The following RNF144A variants were observed in gnomAD, a reference collection of about 807,000 sequenced individuals.
The protein encoded by RNF144A is ring finger protein 144A, also known as E3 ubiquitin-protein ligase RNF144A.
Under a neutral mutation model 38.7 loss-of-function variants are expected in RNF144A, and 11 were observed. That is an observed-to-expected ratio of 0.28 (90% CI 0.18 to 0.47). The LOEUF is 0.47. Ranked by LOEUF, RNF144A falls within the 20% of genes least tolerant of loss-of-function variation. The pLI is 0.99. For synonymous variants in RNF144A, 149 were observed against 143.9 expected (o/e 1.04, Z -0.25); for missense variants, 316 against 377.2 (o/e 0.84, Z 1.34).
At chr2:7,057,771 A>T (rs1445562918) in intron 6 of RNF144A, among the ~76,000 whole-genome samples, 2 of 152,310 alleles carry the variant, frequency 1.3e-5, no homozygotes, top group Admixed American at 1.3e-4. Context: ...CCATCATCAT[A>T]ATTGCTTGGA....
rs1558460115 is a variant in RNF144A, at chr2:7,042,791, A to G, written c.*3031A>G. On this transcript the variant is annotated 3_prime_UTR_variant, in exon 9 of 9. Transcript: ENST00000320892. ...ATCGGATTGCAGGAATAACTGTCCA[A>G]ATTAGTTCTTCCTCCTCAACTCATA... 1.0e-6 allele frequency: 1 copy of G among 985,410 alleles called. No homozygotes were observed. Among genetic ancestry groups the G allele is most frequent in the Non-Finnish European group, 1.2e-6 (1 of 829,888 alleles). The allele number at this position is 985,410 out of a possible 1,614,324, so 61.0% of individuals were successfully genotyped here.
chr2:6,932,878 C>T (rs774687243), intron 1 of RNF144A, among the ~76,000 whole-genome samples: 1 of 152,130 alleles, frequency 6.6e-6, no homozygotes, highest in African/African-American at 2.4e-5. Context: ...TTTGTTTTCC[C>T]CCAGAGAAGA....
chr2:6,997,659 T>C (rs1319054887), intron 3 of RNF144A, among the ~76,000 whole-genome samples: 4 of 152,208 alleles, frequency 2.6e-5, no homozygotes, highest in African/African-American at 7.2e-5. Flanking sequence ...TCGGAAAAGA[T>C]AAATGAGTGT....
chr2:7,006,763 A>T lies in RNF144A; in HGVS notation c.136-7691A>T, dbSNP rs183796846. Among the ~76,000 whole-genome samples the T allele has an allele frequency of 3.4e-4, 51 of 151,830 alleles. No individual in the cohort carries two copies. In the East Asian group the frequency reaches 9.3e-3, roughly 28 times the overall value. ...ACAGTATTCTCTGAAATAGACACTCAGTCTATTTAAGTGGGGCTCCTTACC... is the reference window on the plus strand; with the variant it reads ...ACAGTATTCTCTGAAATAGACACTCTGTCTATTTAAGTGGGGCTCCTTACC... On this transcript the variant is annotated intron_variant, in intron 3 of 8. Transcript: ENST00000320892.
At chr2:6,936,385 G>A (rs987267136) in intron 1 of RNF144A, among the ~76,000 whole-genome samples, 3 of 152,086 alleles carry the variant, frequency 2.0e-5, no homozygotes, top group Admixed American at 6.5e-5. Flanking sequence ...ACACATACAT[G>A]CATCTATAGA....
chr2:7,016,103 C>CT (rs1284519854), intron 5 of RNF144A, among the ~76,000 whole-genome samples: 5 of 71,670 alleles, frequency 7.0e-5, no homozygotes, highest in African/African-American at 2.0e-4. Flanking sequence ...GACCCCGTCT[C>CT]TAAAAAAAAA....
rs768623095 is a variant in RNF144A, at chr2:6,944,218, T to C, written c.-12+3071T>C. ...GCCGGGCACTATGGGCCTGGGGTGA[T>C]GGAGAAAGGACCTGCAGTGGCACAG... On this transcript the variant is annotated intron_variant, in intron 2 of 8. Transcript: ENST00000320892. The surrounding 1 kb of genome is among the most constrained non-coding windows in gnomAD (Gnocchi z 4.7). 7.2e-5 allele frequency among the ~76,000 whole-genome samples: 11 copies of C among 151,900 alleles called. No individual in the cohort carries two copies. The highest frequency in any genetic ancestry group is 1.6e-4 in the Non-Finnish European group (11 of 67,950).
intron 6 of RNF144A, among the ~76,000 whole-genome samples, chr2:7,053,486 A>G (rs1235303277): frequency 6.6e-6 from 1 of 152,124 alleles, no homozygotes. Flanking sequence ...TCGGTTTTCA[A>G]GTTCTTTCCA....
chr2:6,965,780 C>G (rs1397262027), intron 2 of RNF144A, among the ~76,000 whole-genome samples: 1 of 152,036 alleles, frequency 6.6e-6, no homozygotes, highest in African/African-American at 2.4e-5. Flanking sequence ...AAGGAAATCT[C>G]TCTTTTACCT....
chr2:7,047,498 A>T (rs1348612657), downstream of RNF144A, among the ~76,000 whole-genome samples: 3 of 152,192 alleles, frequency 2.0e-5, no homozygotes, highest in Non-Finnish European at 4.4e-5. Context: ...AACCCATCAC[A>T]TCTCGTGAGA....
chr2:6,959,319 C>T lies in RNF144A; in HGVS notation c.-12+18172C>T, dbSNP rs575037266. Among the ~76,000 whole-genome samples the T allele has an allele frequency of 1.2e-4, 18 of 152,080 alleles. No homozygotes were observed. The South Asian group carries it at 2.7e-3, about 23-fold the overall frequency. The stretch of plus-strand genomic sequence containing the variant: ...AAAAGGAAGCAGAGGGATTGAAAGG[C>T]GGGATGGAAGTGAAAGTGGAGCATG... On this transcript the variant is annotated intron_variant, in intron 2 of 8. Coordinates refer to ENST00000320892, the MANE Select transcript of RNF144A (RefSeq NM_014746.6).
chr2:7,030,986 C>T (rs576880410), intron 8 of RNF144A, among the ~76,000 whole-genome samples: 10 of 152,194 alleles, frequency 6.6e-5, no homozygotes, highest in South Asian at 4.1e-4. Context: ...CGTGCTCCTA[C>T]GAGAGTCTAA....
chr2:7,028,660 C>T (rs1182944421), intron 7 of RNF144A, among the ~76,000 whole-genome samples: 8 of 152,180 alleles, frequency 5.3e-5, no homozygotes, highest in African/African-American at 7.2e-5. Context: ...ATGAGCTCTT[C>T]TCAGTGGTGT....
At chr2:7,013,379 T>A (rs16865826) in intron 3 of RNF144A, among the ~76,000 whole-genome samples, 3,515 of 152,328 alleles carry the variant, frequency 0.023, 131 homozygotes, top group African/African-American at 0.081. Flanking sequence ...ATTCTTGTAA[T>A]AAAATGGATT....
intron 2 of RNF144A, among the ~76,000 whole-genome samples, chr2:6,963,036 G>T (rs1360002711): frequency 2.6e-5 from 4 of 152,236 alleles, no homozygotes; most frequent in Non-Finnish European, 5.9e-5. Context: ...ATTAGGCTAA[G>T]TTATAAGTGG....
At chr2:6,967,191 G>A (rs548603616) in intron 2 of RNF144A, among the ~76,000 whole-genome samples, 1 of 152,254 alleles carries the variant, frequency 6.6e-6, no homozygotes, top group African/African-American at 2.4e-5. Flanking sequence ...TCGTACATGT[G>A]TGATAATGAA....
chr2:7,061,959 A>G (rs1001048901), intron 6 of RNF144A, among the ~76,000 whole-genome samples: 2 of 152,220 alleles, frequency 1.3e-5, no homozygotes, highest in Admixed American at 6.5e-5. Context: ...ATTGATAAGT[A>G]ACTCATCATT....
intron 3 of RNF144A, among the ~76,000 whole-genome samples, chr2:7,007,372 C>A (rs949481382): frequency 1.3e-5 from 2 of 152,218 alleles, no homozygotes; most frequent in African/African-American, 4.8e-5. Context: ...ACAACTTAAC[C>A]CTCTGCTGTT....
chr2:6,931,699 G>T (rs1572206388), intron 1 of RNF144A, among the ~76,000 whole-genome samples: 5 of 152,266 alleles, frequency 3.3e-5, no homozygotes, highest in Admixed American at 3.3e-4. Context: ...GTGTTATCTA[G>T]AGGTGTGCTG....
Sources: gnomAD v4.1 joint callset for allele counts (sites outside exome capture counted in the v4.1 genomes callset) on GRCh38, gnomAD v4.1.1 for gene constraint, Gnocchi (gnomAD v3.1) non-coding constraint, MANE v1.5 for transcripts, NCBI Gene and HGNC (gene_info 2026-07-23, HGNC 2026-07-21) for gene names.